ABI2: variants seen among roughly 807,000 people sequenced by gnomAD.
ABI2 encodes the protein abl interactor 2.
ABI2 carries 25 observed loss-of-function variants against 59.2 expected under a neutral mutation model. The ratio of observed to expected loss-of-function variants is 0.42; its 90% CI spans 0.31 to 0.59. The LOEUF is 0.59. ABI2 is among the 20% of genes least tolerant of loss of function. The probability of loss-of-function intolerance (pLI) is 0.14; values close to 1 mark genes in which losing one functional copy is unlikely to be tolerated. For synonymous variants in ABI2, 213 were observed against 235.5 expected, an observed-to-expected ratio of 0.90 and a Z score of 0.87; for missense variants, 545 against 681.8, an observed-to-expected ratio of 0.80 and a Z score of 2.23.
chr2:203,425,934 T>C (rs2098414373), intron 11 of ABI2, among the ~76,000 whole-genome samples: 3 of 151,252 alleles, frequency 2.0e-5, no homozygotes, highest in Admixed American at 6.6e-5. Flanking sequence ...GGCAAGAGAA[T>C]CGCTTGAACC....
Position 203,366,959 on chromosome 2 carries a change from C to T in ABI2, c.200C>T (p.Thr67Ile), listed in dbSNP as rs953725860. ...SLASVAYLIN[T>I]LANNVLQMLD... ...GCAAGTGTTGCCTATCTGATAAACACCTTGGCCAACAATGTCCTGCAGATG... is the reference window on the plus strand; with the variant it reads ...GCAAGTGTTGCCTATCTGATAAACATCTTGGCCAACAATGTCCTGCAGATG... The change falls in exon 2 of 12, where the codon ACC (threonine) becomes ATC (isoleucine). Residue 67 changes from threonine to isoleucine, a missense_variant. This residue lies in a region of ABI2 where 36 missense variants were observed against 80.0 expected (regional missense o/e 0.45). Coordinates refer to ENST00000261018, the MANE Select transcript of ABI2 (RefSeq NM_001375670.1). 6.2e-7 allele frequency: 1 copy of T among 1,613,804 alleles called. No individual in the cohort carries two copies. The highest frequency in any genetic ancestry group is 8.5e-7 in the Non-Finnish European group (1 of 1,179,860).
Position 203,376,700 on chromosome 2 carries a change from T to C in ABI2, c.286-3508T>C, listed in dbSNP as rs1332827580. ...ACAATGACCCTTTATTTTAGGCTTA[T>C]TGTTATCTTTCTATTTACTGTATTG... On this transcript the variant is annotated intron_variant, in intron 2 of 11. Coordinates refer to ENST00000261018, the MANE Select transcript of ABI2 (RefSeq NM_001375670.1). Among the ~76,000 whole-genome samples, 6 of 151,974 alleles carry C rather than the reference T, an allele frequency of 3.9e-5. No individual in the cohort carries two copies. The East Asian group carries it at 7.7e-4, about 20-fold the overall frequency.
At chr2:203,389,341 AT>A (rs1402327455) in intron 4 of ABI2, among the ~76,000 whole-genome samples, 1 of 152,190 alleles carries the variant, frequency 6.6e-6, no homozygotes, top group Non-Finnish European at 1.5e-5. Context: ...CAAAGGTATC[AT>A]TTGTCATTAA....
rs898907860 is a variant in ABI2, at chr2:203,417,901, C to T, written c.1453+820C>T. 2.1e-4 allele frequency among the ~76,000 whole-genome samples: 32 copies of T among 152,176 alleles called. No individual in the cohort carries two copies. In the East Asian group the frequency reaches 2.3e-3, roughly 11 times the overall value. On this transcript the variant is annotated intron_variant, in intron 11 of 11. Coordinates refer to ENST00000261018, the MANE Select transcript of ABI2 (RefSeq NM_001375670.1). Reference sequence around the variant, plus strand: ...CTTTATGTAGCTACTATAAATACCACATGTGATCAAGAAAGTAAAGGAGAA... The same window carrying T: ...CTTTATGTAGCTACTATAAATACCATATGTGATCAAGAAAGTAAAGGAGAA...
intron 8 of ABI2, among the ~76,000 whole-genome samples, chr2:203,402,014 G>C (rs912286285): frequency 6.6e-6 from 1 of 152,066 alleles, no homozygotes; most frequent in Non-Finnish European, 1.5e-5. Flanking sequence ...TTAATTTAGT[G>C]AAATAATAGT....
chr2:203,372,235 A>G (rs982666509), intron 2 of ABI2, among the ~76,000 whole-genome samples: 8 of 152,176 alleles, frequency 5.3e-5, no homozygotes, highest in African/African-American at 1.9e-4. Context: ...CAGAGAGCAC[A>G]GGGTTGGGGC....
At chr2:203,421,465 G>A (rs1277927042) in intron 11 of ABI2, among the ~76,000 whole-genome samples, 2 of 152,290 alleles carry the variant, frequency 1.3e-5, no homozygotes, top group Admixed American at 1.3e-4. Flanking sequence ...CAAACGGATT[G>A]AGTTACTCAG....
intron 11 of ABI2, among the ~76,000 whole-genome samples, chr2:203,426,667 G>C (rs529695553): frequency 1.6e-4 from 25 of 151,948 alleles, no homozygotes; most frequent in Non-Finnish European, 3.4e-4. Context: ...AAGAGGCATA[G>C]GCTCCAGAGA....
intron 6 of ABI2, 45 bp from the exon 7 acceptor site, chr2:203,395,611 T>C (rs529304093): frequency 4.6e-5 from 73 of 1,582,098 alleles, no homozygotes; most frequent in Admixed American, 3.9e-4. Flanking sequence ...GATGATCTCT[T>C]ACTGTTTATA....
At chr2:203,378,103 T>A (rs940600138) in intron 2 of ABI2, among the ~76,000 whole-genome samples, 3 of 151,768 alleles carry the variant, frequency 2.0e-5, no homozygotes, top group African/African-American at 7.3e-5. Flanking sequence ...TTTCTTTTTC[T>A]TTTTCTTTTC....
chr2:203,346,336 CTA>C (rs1559174522), intron 1 of ABI2, among the ~76,000 whole-genome samples: 2 of 152,018 alleles, frequency 1.3e-5, no homozygotes, highest in African/African-American at 2.4e-5. Context: ...CCACAAAAGA[CTA>C]TGTTTGTTTG....
At chr2:203,404,992 C>G (rs2097367906) in intron 9 of ABI2, among the ~76,000 whole-genome samples, 1 of 152,144 alleles carries the variant, frequency 6.6e-6, no homozygotes, top group Non-Finnish European at 1.5e-5. Context: ...TCAATAGTTT[C>G]TTTGTAAATC....
At chr2:203,416,766 T>A in intron 10 of ABI2, 142 bp from the exon 11 acceptor site, 2 of 867,738 alleles carry the variant, frequency 2.3e-6, no homozygotes, top group Non-Finnish European at 3.3e-6. Context: ...GTGGGAAGAC[T>A]TATCTTGCTC....
chr2:203,396,584 T>C (rs576634506), intron 7 of ABI2, among the ~76,000 whole-genome samples: 1 of 152,252 alleles, frequency 6.6e-6, no homozygotes, highest in Non-Finnish European at 1.5e-5. Context: ...TGAAAAAATC[T>C]GCACATTACC....
rs140783336 is a variant in ABI2, at chr2:203,422,918, GT to G, written c.1454-4255del. ...ACATAAATTCCAAAGTATGTTAAATGTTTTGCTGGCTTAGGATGAACTTTTT... is the reference window on the plus strand; with the variant it reads ...ACATAAATTCCAAAGTATGTTAAATGTTTGCTGGCTTAGGATGAACTTTTT... On this transcript the variant is annotated intron_variant, in intron 11 of 11. Coordinates refer to ENST00000261018, the MANE Select transcript of ABI2 (RefSeq NM_001375670.1). Among the ~76,000 whole-genome samples the G allele has an allele frequency of 4.7e-4, 72 of 152,300 alleles. 2 individuals are homozygous for G. In the East Asian group the frequency reaches 0.013, roughly 28 times the overall value.
At chr2:203,355,828 T>TTAA (rs1559201882) in intron 1 of ABI2, among the ~76,000 whole-genome samples, 1 of 43,302 alleles carries the variant, frequency 2.3e-5, no homozygotes, top group African/African-American at 1.0e-4. Context: ...CAAAACTGTC[T>TTAA]CAAAAAAAAA....
chr2:203,416,589 C>T (rs887961919), intron 10 of ABI2, among the ~76,000 whole-genome samples: 2 of 152,210 alleles, frequency 1.3e-5, no homozygotes, highest in South Asian at 2.1e-4. Context: ...AGCCACCGCT[C>T]CTGGCCATAC....
At chr2:203,334,988 T>G (rs2075799248) in intron 1 of ABI2, among the ~76,000 whole-genome samples, 1 of 152,120 alleles carries the variant, frequency 6.6e-6, no homozygotes. Flanking sequence ...AGCTTATGGT[T>G]GAATTTTTAT....
chr2:203,414,542 G>A (rs1470955872), intron 10 of ABI2, among the ~76,000 whole-genome samples: 1 of 152,144 alleles, frequency 6.6e-6, no homozygotes, highest in African/African-American at 2.4e-5. Flanking sequence ...GGTTTATGCT[G>A]TGTGCTTCTA....
Sources: allele counts gnomAD v4.1 joint callset (sites outside exome capture counted in the v4.1 genomes callset), GRCh38; gene constraint gnomAD v4.1.1; regional missense constraint gnomAD v4.1.1; transcripts MANE v1.5; gene names NCBI Gene and HGNC (gene_info 2026-07-23, HGNC 2026-07-21).